FARP2: variants seen among roughly 807,000 people sequenced by gnomAD.
FARP2 encodes FERM, ARH/RhoGEF and pleckstrin domain protein 2, also known as FERM, ARHGEF and pleckstrin domain-containing protein 2.
Under a neutral mutation model 130.5 loss-of-function variants are expected in FARP2, and 111 were observed. The observed-to-expected ratio is 0.85, with a 90% CI of 0.73 to 1.00. The LOEUF is 1.00. Ranked by LOEUF, FARP2 falls within the 50% of genes least tolerant of loss-of-function variation. The probability of loss-of-function intolerance (pLI) is 0.00; values close to 1 mark genes in which losing one functional copy is unlikely to be tolerated. For missense variants in FARP2, 1,385 were observed against 1,346.3 expected (o/e 1.03, Z -0.45); for synonymous variants, 504 against 516.9 (o/e 0.98, Z 0.34).
intron 18 of FARP2, among the ~76,000 whole-genome samples, chr2:241,470,422 C>T (rs1292490921): frequency 2.6e-5 from 4 of 151,180 alleles, no homozygotes; most frequent in South Asian, 2.1e-4. Flanking sequence ...GATGGGGATG[C>T]GCTCTGAAGG....
At chr2:241,470,164 CT>C (rs1283820361) in intron 18 of FARP2, among the ~76,000 whole-genome samples, 1 of 152,234 alleles carries the variant, frequency 6.6e-6, no homozygotes, top group Non-Finnish European at 1.5e-5. Context: ...TTCCTGAGAA[CT>C]TGAATAGAAT....
intron 3 of FARP2, 38 bp from the exon 4 acceptor site, chr2:241,404,757 ATTAT>A: frequency 4.8e-6 from 7 of 1,443,958 alleles, no homozygotes; most frequent in Non-Finnish European, 6.8e-6. Flanking sequence ...AAATAGAGAC[ATTAT>A]TTAATAGATT....
chr2:241,400,920 A>G (rs2062150387), intron 2 of FARP2, among the ~76,000 whole-genome samples: 1 of 152,166 alleles, frequency 6.6e-6, no homozygotes, highest in Non-Finnish European at 1.5e-5. Flanking sequence ...GTCTGGCTGC[A>G]TTCTCCCCAT....
In FARP2 at chr2:241,434,328, G is replaced by C. The variant is rs201484729; in HGVS notation, c.1031+7G>C. 6.3e-7 allele frequency: 1 copy of C among 1,590,750 alleles called. No homozygotes were observed. The highest frequency in any genetic ancestry group is 8.5e-7 in the Non-Finnish European group (1 of 1,172,146). On this transcript the variant is annotated splice_region_variant and intron_variant, in intron 10 of 26. Coordinates refer to ENST00000264042, the MANE Select transcript of FARP2 (RefSeq NM_014808.4). The stretch of plus-strand genomic sequence containing the variant: ...GCTCCTCCTTCAGATACAGGTAGGG[G>C]CCATGCCGTGGCTTGCATGGGCCCC...
chr2:241,486,090 G>A (rs1260517478), intron 21 of FARP2, among the ~76,000 whole-genome samples: 1 of 152,108 alleles, frequency 6.6e-6, no homozygotes, highest in East Asian at 1.9e-4. Context: ...TTGTTTTAAA[G>A]TATACTTTTA....
chr2:241,456,690 C>T, intron 13 of FARP2, 57 bp from the exon 14 acceptor site: 1 of 1,574,500 alleles, frequency 6.4e-7, no homozygotes, highest in Non-Finnish European at 8.7e-7. Context: ...CGGCTCTAAG[C>T]CAGCCTCACA....
intron 2 of FARP2, among the ~76,000 whole-genome samples, chr2:241,400,515 A>G (rs569990848): frequency 2.4e-4 from 37 of 152,312 alleles, no homozygotes; most frequent in African/African-American, 8.9e-4. Flanking sequence ...ACTGGTGTGT[A>G]ATTAGGTAGA....
intron 20 of FARP2, 156 bp downstream of exon 20, chr2:241,483,689 C>A: frequency 4.0e-6 from 3 of 750,438 alleles, no homozygotes; most frequent in Non-Finnish European, 4.9e-6. Context: ...TCAGACAGGG[C>A]CAGGGGAGGG....
chr2:241,444,954 G>A (rs1440149031), intron 13 of FARP2: 1 of 151,862 alleles, frequency 6.6e-6, no homozygotes, highest in Non-Finnish European at 1.5e-5. Flanking sequence ...TTAGAGACAG[G>A]GCCTCACTCC....
At chr2:241,484,974 A>C (rs1241626597) in intron 21 of FARP2, among the ~76,000 whole-genome samples, 1 of 152,138 alleles carries the variant, frequency 6.6e-6, no homozygotes, top group Non-Finnish European at 1.5e-5. Context: ...ACCACGTCAC[A>C]GTGACTGTCT....
chr2:241,441,507 C>A lies in FARP2; in HGVS notation c.1362C>A (p.Asp454Glu). 1 of 1,614,064 alleles carries A rather than the reference C, an allele frequency of 6.2e-7. No homozygotes were observed. The highest frequency in any genetic ancestry group is 8.5e-7 in the Non-Finnish European group (1 of 1,179,980). Residue 454 changes from aspartate to glutamate, a missense_variant, in exon 13 of 27, where the codon GAC (aspartate) becomes GAA (glutamate). Physicochemically the swap from Asp to Glu is conservative, Grantham distance 45. Transcript: ENST00000264042. ...RRSGAVAGGPDTPSAQPLGPP... is the reference protein window; with the variant it reads ...RRSGAVAGGPETPSAQPLGPP... ...GTGGAGCAGTGGCTGGAGGCCCCGA[C>A]ACACCATCGGCCCAGCCCCTCGGGC...
At chr2:241,399,884 C>T (rs2062123001) in intron 2 of FARP2, among the ~76,000 whole-genome samples, 1 of 152,124 alleles carries the variant, frequency 6.6e-6, no homozygotes, top group South Asian at 2.1e-4. Context: ...TATGGATATG[C>T]AGTTTCCCTG....
At chr2:241,374,872 G>A (rs1018616553) in intron 2 of FARP2, among the ~76,000 whole-genome samples, 3 of 152,188 alleles carry the variant, frequency 2.0e-5, no homozygotes, top group Non-Finnish European at 4.4e-5. Flanking sequence ...AGTAGCAGTC[G>A]GCTGCCCTTT....
At chr2:241,479,454 C>T (rs2064559675) in intron 19 of FARP2, among the ~76,000 whole-genome samples, 1 of 152,234 alleles carries the variant, frequency 6.6e-6, no homozygotes, top group African/African-American at 2.4e-5. Context: ...GGTGGGATCG[C>T]TGGTTGCTAT....
intron 2 of FARP2, among the ~76,000 whole-genome samples, chr2:241,379,177 G>A (rs1371896196): frequency 6.6e-6 from 1 of 152,210 alleles, no homozygotes; most frequent in African/African-American, 2.4e-5. Context: ...TCTTTAGAGG[G>A]TAAGATGTCT....
intron 11 of FARP2, among the ~76,000 whole-genome samples, chr2:241,435,834 G>A (rs908349110): frequency 6.8e-6 from 1 of 147,062 alleles, no homozygotes; most frequent in South Asian, 2.2e-4. Context: ...TATAGACATT[G>A]TATACACATA....
chr2:241,473,820 T>C (rs771730298), intron 18 of FARP2, among the ~76,000 whole-genome samples: 20 of 152,206 alleles, frequency 1.3e-4, no homozygotes, highest in Non-Finnish European at 2.4e-4. Context: ...GCAATAGGGT[T>C]GGTAGCTGCC....
intron 1 of FARP2, among the ~76,000 whole-genome samples, chr2:241,361,041 A>C (rs7583820): frequency 0.035 from 5,370 of 152,106 alleles, 290 homozygotes; most frequent in African/African-American, 0.12. Flanking sequence ...AAAAAAAAAA[A>C]ACACACATCT....
intron 12 of FARP2, among the ~76,000 whole-genome samples, chr2:241,437,465 ATGTTT>A (rs2063261626): frequency 6.6e-6 from 1 of 151,824 alleles, no homozygotes. Flanking sequence ...TGAATCTTGC[ATGTTT>A]TGTTTTGTTT....
Sources: allele counts gnomAD v4.1 joint callset (sites outside exome capture counted in the v4.1 genomes callset), GRCh38; gene constraint gnomAD v4.1.1; transcripts MANE v1.5; gene names NCBI Gene and HGNC (gene_info 2026-07-23, HGNC 2026-07-21).